The following STAG1 variants were observed in gnomAD, a reference collection of about 807,000 sequenced individuals.
STAG1 encodes STAG1 cohesin complex component.
Under a neutral mutation model 170.9 loss-of-function variants are expected in STAG1, and 26 were observed. That is an observed-to-expected ratio of 0.15 (90% CI 0.11 to 0.21). The LOEUF (loss-of-function observed/expected upper bound fraction) is 0.21. Ranked by LOEUF, STAG1 falls within the 10% of genes least tolerant of loss-of-function variation. The pLI is 1.00. For missense variants in STAG1, 964 were observed against 1,509.5 expected (o/e 0.64, Z 5.99); for synonymous variants, 514 against 497.7 (o/e 1.03, Z -0.44).
chr3:136,395,477 C>G (rs1048166370), intron 22 of STAG1, among the ~76,000 whole-genome samples: 1 of 151,848 alleles, frequency 6.6e-6, no homozygotes, highest in Non-Finnish European at 1.5e-5. Flanking sequence ...ACAAAAAACC[C>G]GGGCATGGTG....
At chr3:136,520,343 AAATGT>A in intron 7 of STAG1, among the ~76,000 whole-genome samples, 1 of 152,152 alleles carries the variant, frequency 6.6e-6, no homozygotes, top group South Asian at 2.1e-4. Flanking sequence ...ATGCAAAATG[AAATGT>A]AACTAATGAG....
intron 5 of STAG1, among the ~76,000 whole-genome samples, chr3:136,559,209 T>C (rs996916011): frequency 2.0e-5 from 3 of 152,112 alleles, no homozygotes; most frequent in Non-Finnish European, 4.4e-5. Context: ...TTCATTAAAA[T>C]AGATTGCTAA....
At chr3:136,409,108 T>C (rs1347758847) in intron 21 of STAG1, among the ~76,000 whole-genome samples, 1 of 151,836 alleles carries the variant, frequency 6.6e-6, no homozygotes, top group Non-Finnish European at 1.5e-5. Flanking sequence ...CTATTAAAAA[T>C]ATAAAAATTG....
intron 22 of STAG1, among the ~76,000 whole-genome samples, chr3:136,378,843 A>T (rs1937763881): frequency 6.6e-6 from 1 of 152,192 alleles, no homozygotes. Context: ...AATGAGTAAG[A>T]CACATGCAGA....
chr3:136,631,657 G>A (rs1313690696), intron 1 of STAG1, among the ~76,000 whole-genome samples: 2 of 152,158 alleles, frequency 1.3e-5, no homozygotes, highest in African/African-American at 4.8e-5. Context: ...TGTAGGGACA[G>A]AGAATATAAG....
chr3:136,427,928 G>A (rs922550061), intron 16 of STAG1, among the ~76,000 whole-genome samples: 2 of 152,082 alleles, frequency 1.3e-5, no homozygotes, highest in South Asian at 2.1e-4. Flanking sequence ...TTAGAAAGAG[G>A]TTTCACTTTA....
At chr3:136,639,265 G>T (rs909457078) in intron 1 of STAG1, among the ~76,000 whole-genome samples, 1 of 151,724 alleles carries the variant, frequency 6.6e-6, no homozygotes, top group Admixed American at 6.6e-5. Flanking sequence ...AGGCGAGGAG[G>T]TCAAGGATGC....
At chr3:136,706,937 G>A (rs755770495) in intron 1 of STAG1, among the ~76,000 whole-genome samples, 11 of 152,136 alleles carry the variant, frequency 7.2e-5, no homozygotes, top group African/African-American at 1.4e-4. Flanking sequence ...AAGGGTACAC[G>A]ACAATTCAAC....
At chr3:136,688,297 C>T (rs978718196) in intron 1 of STAG1, among the ~76,000 whole-genome samples, 2 of 152,130 alleles carry the variant, frequency 1.3e-5, no homozygotes, top group African/African-American at 2.4e-5. Context: ...AGTGTCTTCT[C>T]CAGTAGACAA....
At chr3:136,369,398 T>C in intron 23 of STAG1, 116 bp from the exon 24 acceptor site, 1 of 734,894 alleles carries the variant, frequency 1.4e-6, no homozygotes, top group Non-Finnish European at 2.0e-6. Flanking sequence ...TAATATAAAT[T>C]TTCAGTATTT....
At chr3:136,585,685 T>A (rs1326244107) in intron 4 of STAG1, among the ~76,000 whole-genome samples, 1 of 152,114 alleles carries the variant, frequency 6.6e-6, no homozygotes, top group Non-Finnish European at 1.5e-5. Context: ...GTTCATGTCC[T>A]CCAAGAATCC....
intron 1 of STAG1, among the ~76,000 whole-genome samples, chr3:136,682,904 G>A (rs1942387003): frequency 6.6e-6 from 1 of 152,150 alleles, no homozygotes; most frequent in Non-Finnish European, 1.5e-5. Context: ...TAAAAATGCA[G>A]TATATACATA....
chr3:136,702,170 T>C (rs574377035), intron 1 of STAG1, among the ~76,000 whole-genome samples: 1 of 148,646 alleles, frequency 6.7e-6, no homozygotes, highest in Non-Finnish European at 1.5e-5. Flanking sequence ...AGAATGAGAA[T>C]GTGGTGTGTG....
intron 20 of STAG1, among the ~76,000 whole-genome samples, chr3:136,420,639 T>TA (rs1042207438): frequency 7.9e-5 from 12 of 152,230 alleles, no homozygotes; most frequent in African/African-American, 2.9e-4. Context: ...TGAAGTGCAG[T>TA]GGCTATTCAC....
chr3:136,601,829 C>T (rs951414800), intron 4 of STAG1, among the ~76,000 whole-genome samples: 9 of 150,154 alleles, frequency 6.0e-5, no homozygotes, highest in South Asian at 2.1e-4. Flanking sequence ...GAGAGAGGCT[C>T]ATTCTCCAAA....
At chr3:136,695,810 G>T (rs542343488) in intron 1 of STAG1, among the ~76,000 whole-genome samples, 5 of 151,380 alleles carry the variant, frequency 3.3e-5, no homozygotes, top group Non-Finnish European at 2.9e-5. Flanking sequence ...CTTACCAAGT[G>T]GGGGAAAAAA....
intron 1 of STAG1, among the ~76,000 whole-genome samples, chr3:136,722,377 T>C (rs1171020426): frequency 1.3e-5 from 2 of 152,190 alleles, no homozygotes; most frequent in African/African-American, 4.8e-5. Context: ...GATGTCTATG[T>C]GGTCTCATTT....
At chr3:136,658,453 T>C (rs1354710175) in intron 1 of STAG1, among the ~76,000 whole-genome samples, 1 of 152,204 alleles carries the variant, frequency 6.6e-6, no homozygotes, top group East Asian at 1.9e-4. Flanking sequence ...ATCACCAATT[T>C]TTGCTTGCAA....
chr3:136,594,309 C>A (rs895296958), intron 4 of STAG1, among the ~76,000 whole-genome samples: 3 of 152,106 alleles, frequency 2.0e-5, no homozygotes, highest in African/African-American at 7.2e-5. Flanking sequence ...AATTCGGAGG[C>A]TAGAAGAAAC....
Sources: allele counts gnomAD v4.1 joint callset (sites outside exome capture counted in the v4.1 genomes callset), GRCh38; gene constraint gnomAD v4.1.1; transcripts MANE v1.5; gene names NCBI Gene and HGNC (gene_info 2026-07-23, HGNC 2026-07-21).